The following PTPN13 variants were observed in gnomAD, a reference collection of about 807,000 sequenced individuals.
PTPN13 encodes tyrosine-protein phosphatase non-receptor type 13.
In PTPN13, 191 loss-of-function variants were observed where a neutral mutation model predicts 284.0. The observed-to-expected ratio is 0.67, with a 90% CI of 0.60 to 0.76. The LOEUF (loss-of-function observed/expected upper bound fraction) is 0.76. Among genes scored for constraint, PTPN13 ranks in the 30% least tolerant of loss-of-function variants. The pLI, the probability that PTPN13 is intolerant of heterozygous loss-of-function variation, is 0.00. For synonymous variants in PTPN13, 986 were observed against 1,022.3 expected (o/e 0.96, Z 0.68); for missense variants, 2,797 against 2,939.9 (o/e 0.95, Z 1.12).
intron 1 of PTPN13, among the ~76,000 whole-genome samples, chr4:86,601,250 G>T (rs1764270333): frequency 6.6e-6 from 1 of 151,488 alleles, no homozygotes; most frequent in African/African-American, 2.4e-5. Context: ...TTTAGTTTGG[G>T]AATGTTCGGT....
intron 17 of PTPN13, among the ~76,000 whole-genome samples, chr4:86,749,711 A>G (rs1246703306): frequency 6.6e-6 from 1 of 152,212 alleles, no homozygotes. Flanking sequence ...AAATTGAAGC[A>G]TAAAGAGATG....
chr4:86,758,858 A>G lies in PTPN13; in HGVS notation c.3421+73A>G, dbSNP rs1016419118. 11 of 1,583,498 alleles carry G rather than the reference A, an allele frequency of 6.9e-6. No homozygotes were observed. In the African/African-American group the frequency reaches 1.1e-4, roughly 16 times the overall value. On this transcript the variant is annotated intron_variant, in intron 22 of 47. Transcript: ENST00000411767. ...ATTTAGGAACTTAGGCCAAACTAAA[A>G]TAATTGAGAAAGAGATGATATTTCT...
intron 4 of PTPN13, among the ~76,000 whole-genome samples, chr4:86,687,655 A>G (rs1307173803): frequency 6.6e-6 from 1 of 152,100 alleles, no homozygotes; most frequent in East Asian, 1.9e-4. Context: ...AAAATAATGT[A>G]TATTTTCTTT....
At chr4:86,799,744 C>CA (rs1743781005) in intron 42 of PTPN13, among the ~76,000 whole-genome samples, 1 of 148,318 alleles carries the variant, frequency 6.7e-6, no homozygotes, top group African/African-American at 2.5e-5. Context: ...TGGAGTAAAA[C>CA]ATGCAAATAA....
At chr4:86,790,459 A>C (rs1310396717) in intron 40 of PTPN13, among the ~76,000 whole-genome samples, 1 of 152,128 alleles carries the variant, frequency 6.6e-6, no homozygotes, top group Non-Finnish European at 1.5e-5. Context: ...AGGAAAGGAG[A>C]AAAAATCAAA....
intron 2 of PTPN13, among the ~76,000 whole-genome samples, chr4:86,646,909 C>G (rs986756814): frequency 1.3e-5 from 2 of 151,868 alleles, no homozygotes; most frequent in African/African-American, 4.8e-5. Flanking sequence ...TTGATACATG[C>G]AACAACATCG....
chr4:86,784,838 GA>G (rs1209711566), intron 38 of PTPN13, among the ~76,000 whole-genome samples: 2 of 152,028 alleles, frequency 1.3e-5, no homozygotes, highest in African/African-American at 4.8e-5. Context: ...TAATAGTTTA[GA>G]AAAAGTATCT....
At chr4:86,690,296 G>C (rs1215250513) in intron 5 of PTPN13, 1 of 152,076 alleles carries the variant, frequency 6.6e-6, no homozygotes, top group Non-Finnish European at 1.5e-5. Flanking sequence ...AAAAATCTTT[G>C]AAAACCATCT....
intron 5 of PTPN13, chr4:86,689,923 C>A (rs1250679754): frequency 1.9e-6 from 1 of 517,320 alleles, no homozygotes; most frequent in Non-Finnish European, 3.4e-6. Context: ...CTCTTCCTTG[C>A]ACAGGTTACA....
chr4:86,763,346 T>C (rs1565514176), intron 24 of PTPN13, among the ~76,000 whole-genome samples, 156 bp downstream of exon 24: 1 of 152,238 alleles, frequency 6.6e-6, no homozygotes, highest in Non-Finnish European at 1.5e-5. Flanking sequence ...GATGCTAACT[T>C]TCAGAGAAAT....
intron 2 of PTPN13, among the ~76,000 whole-genome samples, chr4:86,652,673 C>G (rs1204119013): frequency 6.6e-6 from 1 of 151,988 alleles, no homozygotes; most frequent in African/African-American, 2.4e-5. Flanking sequence ...TTTTCTCTTG[C>G]TGCTTTTAGG....
At chr4:86,604,148 G>A (rs1323876482) in intron 1 of PTPN13, among the ~76,000 whole-genome samples, 1 of 151,988 alleles carries the variant, frequency 6.6e-6, no homozygotes, top group Non-Finnish European at 1.5e-5. Context: ...AATAGAAAGA[G>A]CAAACACATT....
chr4:86,772,797 C>G lies in PTPN13; in HGVS notation c.5188C>G (p.Pro1730Ala). ...CTGTAGTAATCCTTCCCCTCTACCA[C>G]CGGATATGGCTCCTGGGCAGAGTTA... ...FEDSNPSPLP[P>A]DMAPGQSYQP... is the part of the protein sequence containing the mutation. Residue 1730 changes from proline (P) to alanine (A), a missense_variant, in exon 32 of 48, where the codon CCG (proline) becomes GCG (alanine). Physicochemically the swap from Pro to Ala is conservative, Grantham distance 27. Coordinates refer to ENST00000411767, the MANE Select transcript of PTPN13 (RefSeq NM_080683.3). 1 of 1,605,610 alleles carries G rather than the reference C, an allele frequency of 6.2e-7. No individual in the cohort carries two copies. Among genetic ancestry groups the G allele is most frequent in the Non-Finnish European group, 8.5e-7 (1 of 1,177,240 alleles).
intron 38 of PTPN13, 24 bp downstream of exon 38, chr4:86,784,582 A>C: frequency 7.0e-7 from 1 of 1,436,228 alleles, no homozygotes; most frequent in Non-Finnish European, 9.7e-7. Flanking sequence ...TCAGTCATCT[A>C]ATTACTCTAA....
At chr4:86,735,348 TA>T (rs1223492644) in intron 14 of PTPN13, among the ~76,000 whole-genome samples, 1 of 152,186 alleles carries the variant, frequency 6.6e-6, no homozygotes, top group East Asian at 1.9e-4. Context: ...ACGTTCATCC[TA>T]AACTAGAGTG....
intron 10 of PTPN13, among the ~76,000 whole-genome samples, chr4:86,730,266 G>A (rs1316544149): frequency 1.3e-5 from 2 of 149,832 alleles, no homozygotes; most frequent in Admixed American, 6.7e-5. Flanking sequence ...GTGTCTCCCA[G>A]TTAGGCTACA....
chr4:86,759,960 AG>A (rs1565503890), intron 23 of PTPN13, among the ~76,000 whole-genome samples: 1 of 152,226 alleles, frequency 6.6e-6, no homozygotes, highest in African/African-American at 2.4e-5. Context: ...TAAAAGAATT[AG>A]TAAAAAAAAT....
chr4:86,636,790 A>G (rs1723070484), intron 2 of PTPN13, among the ~76,000 whole-genome samples: 1 of 152,186 alleles, frequency 6.6e-6, no homozygotes, highest in South Asian at 2.1e-4. Flanking sequence ...GAACAAATAC[A>G]TTCAAAAGCT....
At chr4:86,607,774 G>A (rs150680235) in intron 1 of PTPN13, among the ~76,000 whole-genome samples, 19 of 152,110 alleles carry the variant, frequency 1.2e-4, no homozygotes, top group Non-Finnish European at 2.1e-4. Context: ...TTTTAAAACA[G>A]TTCTTGCAAT....
Sources: allele counts gnomAD v4.1 joint callset (sites outside exome capture counted in the v4.1 genomes callset), GRCh38; gene constraint gnomAD v4.1.1; transcripts MANE v1.5; gene names NCBI Gene and HGNC (gene_info 2026-07-23, HGNC 2026-07-21).